The following AOPEP variants were observed in gnomAD, a reference collection of about 807,000 sequenced individuals.
AOPEP encodes the protein aminopeptidase O (putative), also known as aminopeptidase O.
In AOPEP, 77 loss-of-function variants were observed where a neutral mutation model predicts 98.1. The observed-to-expected ratio is 0.78, with a 90% CI of 0.65 to 0.95. The LOEUF is 0.95. AOPEP is among the 40% of genes least tolerant of loss of function. The pLI, the probability that AOPEP is intolerant of heterozygous loss-of-function variation, is 0.00. For missense variants in AOPEP, 1,024 were observed against 1,024.7 expected, an observed-to-expected ratio of 1.00 and a Z score of 0.01; for synonymous variants, 346 against 365.3, an observed-to-expected ratio of 0.95 and a Z score of 0.60.
intron 13 of AOPEP, among the ~76,000 whole-genome samples, chr9:95,013,034 G>A (rs2062683910): frequency 6.8e-6 from 1 of 146,560 alleles, no homozygotes; most frequent in South Asian, 2.2e-4. Context: ...TATAAAGAGA[G>A]CTTGGATTCC....
the AOPEP span, among the ~76,000 whole-genome samples, chr9:95,121,368 T>C: frequency 2.0e-5 from 3 of 152,158 alleles, no homozygotes; most frequent in Non-Finnish European, 4.4e-5. Context: ...AGCACTGACA[T>C]GAGTGCTTCT....
At chr9:94,793,748 G>A (rs1204411330) in intron 4 of AOPEP, among the ~76,000 whole-genome samples, 1 of 152,024 alleles carries the variant, frequency 6.6e-6, no homozygotes, top group Non-Finnish European at 1.5e-5. Context: ...TATTTATGCA[G>A]AAAGAGAGAA....
At chr9:95,093,242 C>T in the AOPEP span, among the ~76,000 whole-genome samples, 3 of 152,120 alleles carry the variant, frequency 2.0e-5, no homozygotes, top group Non-Finnish European at 4.4e-5. Flanking sequence ...AGCACAGGGC[C>T]CTGGCAGATG....
At chr9:95,014,112 GTTA>G (rs2062788191) in intron 13 of AOPEP, among the ~76,000 whole-genome samples, 2 of 152,116 alleles carry the variant, frequency 1.3e-5, no homozygotes, top group African/African-American at 4.8e-5. Context: ...AAAGTTTCTT[GTTA>G]TTAGGAACTT....
At chr9:95,091,510 G>A (rs76472946), downstream of AOPEP, among the ~76,000 whole-genome samples, 565 of 152,278 alleles carry the variant, frequency 3.7e-3, 15 homozygotes, top group East Asian at 0.05. Flanking sequence ...CACTGTATAG[G>A]GGCACGGAGA....
At chr9:94,773,502 T>C (rs528860856) in intron 3 of AOPEP, among the ~76,000 whole-genome samples, 73 of 151,930 alleles carry the variant, frequency 4.8e-4, no homozygotes, top group Admixed American at 4.6e-3. Context: ...ACCATTAGAG[T>C]TGAGTTGTCT....
At chr9:95,061,269 A>G (rs1219284192) in intron 14 of AOPEP, among the ~76,000 whole-genome samples, 1 of 152,250 alleles carries the variant, frequency 6.6e-6, no homozygotes, top group Non-Finnish European at 1.5e-5. Context: ...CTTGCGAGAA[A>G]GCAATGTGAT....
At chr9:94,774,204 C>T (rs367918102) in intron 3 of AOPEP, among the ~76,000 whole-genome samples, 21 of 149,700 alleles carry the variant, frequency 1.4e-4, no homozygotes, top group African/African-American at 4.4e-4. Context: ...CCCAGCTACT[C>T]GGGAGGCTGA....
intron 5 of AOPEP, among the ~76,000 whole-genome samples, chr9:94,835,868 T>C (rs7019540): frequency 0.048 from 7,252 of 152,302 alleles, 255 homozygotes; most frequent in Non-Finnish European, 0.069. Flanking sequence ...AACTGATTGA[T>C]GTTTCAGTGG....
the AOPEP span, among the ~76,000 whole-genome samples, chr9:95,122,891 C>T: frequency 6.6e-6 from 1 of 152,226 alleles, no homozygotes; most frequent in Admixed American, 6.5e-5. Flanking sequence ...TGAGGGCCAG[C>T]TGTGCCTTCC....
chr9:94,925,527 G>T (rs1045911340), intron 6 of AOPEP, among the ~76,000 whole-genome samples: 3 of 152,182 alleles, frequency 2.0e-5, no homozygotes, highest in Non-Finnish European at 4.4e-5. Context: ...ACACACTGTG[G>T]GTTCCCACAA....
chr9:94,738,823 C>T (rs963744084), intron 1 of AOPEP, among the ~76,000 whole-genome samples: 1 of 152,220 alleles, frequency 6.6e-6, no homozygotes, highest in African/African-American at 2.4e-5. Context: ...ATCCGCCCGC[C>T]TCAGCCTCCC....
intron 3 of AOPEP, among the ~76,000 whole-genome samples, chr9:94,775,431 G>A (rs1024378511): frequency 2.0e-5 from 3 of 150,776 alleles, no homozygotes; most frequent in African/African-American, 7.3e-5. Context: ...GTGCAATGGC[G>A]CGATCTCTGC....
chr9:94,874,338 G>A (rs987766010), intron 5 of AOPEP, among the ~76,000 whole-genome samples: 1 of 151,838 alleles, frequency 6.6e-6, no homozygotes, highest in African/African-American at 2.4e-5. Flanking sequence ...TAAAGAGAAA[G>A]TTGGTTACAA....
At chr9:95,031,734 C>G (rs1436076250) in intron 13 of AOPEP, among the ~76,000 whole-genome samples, 1 of 152,200 alleles carries the variant, frequency 6.6e-6, no homozygotes, top group Non-Finnish European at 1.5e-5. Context: ...AAAACATAAG[C>G]TCCCTAAGCT....
Position 95,002,331 on chromosome 9 carries a change from A to G in AOPEP, c.1978-2827A>G, listed in dbSNP as rs1279345004. 1.3e-5 allele frequency among the ~76,000 whole-genome samples: 2 copies of G among 152,154 alleles called. 1 individual carries two copies. The highest frequency in any genetic ancestry group is 1.3e-4 in the Admixed American group (2 of 15,274). ...ATATGCCAGGCAATGTTTCTGGTGGACTGAACAAAAATCAAGAACAAAAGA... is the reference window on the plus strand; with the variant it reads ...ATATGCCAGGCAATGTTTCTGGTGGGCTGAACAAAAATCAAGAACAAAAGA... On this transcript the variant is annotated intron_variant, in intron 11 of 16. Transcript: ENST00000375315.
chr9:95,126,602 G>A, the AOPEP span: 2 of 1,613,366 alleles, frequency 1.2e-6, no homozygotes, highest in Non-Finnish European at 1.7e-6. Flanking sequence ...AGAAGACCAT[G>A]AGAATGTGAA....
intron 13 of AOPEP, among the ~76,000 whole-genome samples, chr9:95,054,270 G>A (rs1359237490): frequency 6.6e-6 from 1 of 152,130 alleles, no homozygotes; most frequent in Non-Finnish European, 1.5e-5. Context: ...CTTGTAATTG[G>A]TCTGGCAGGA....
chr9:94,869,523 G>A (rs6479578), intron 5 of AOPEP, among the ~76,000 whole-genome samples: 146,816 of 152,352 alleles, frequency 0.96, 70,771 homozygotes, highest in African/African-American at 0.99. Flanking sequence ...TTGTCTGGGC[G>A]GAATGTGGGC....
Sources: allele counts gnomAD v4.1 joint callset (sites outside exome capture counted in the v4.1 genomes callset), GRCh38; gene constraint gnomAD v4.1.1; transcripts MANE v1.5; gene names NCBI Gene and HGNC (gene_info 2026-07-23, HGNC 2026-07-21).